The following EYA3 variants were observed in gnomAD, a reference collection of about 807,000 sequenced individuals.
The protein encoded by EYA3 is EYA transcriptional coactivator and phosphatase 3.
Under a neutral mutation model 80.0 loss-of-function variants are expected in EYA3, and 39 were observed. That is an observed-to-expected ratio of 0.49 (90% CI 0.38 to 0.64). EYA3 has a LOEUF of 0.64. EYA3 is among the 30% of genes least tolerant of loss of function. The pLI is 0.00. For synonymous variants in EYA3, 206 were observed against 232.8 expected (o/e 0.88, Z 1.05); for missense variants, 523 against 676.1 (o/e 0.77, Z 2.51).
intron 10 of EYA3, among the ~76,000 whole-genome samples, chr1:28,005,632 T>G (rs1397023196): frequency 1.3e-5 from 2 of 151,540 alleles, no homozygotes. Context: ...GGAGGATCAC[T>G]TGGGCGTGGG....
chr1:28,013,156 G>A lies in EYA3; in HGVS notation c.724C>T (p.Pro242Ser), dbSNP rs982464396. 6.2e-7 allele frequency: 1 copy of A among 1,613,890 alleles called. No individual in the cohort carries two copies. Among genetic ancestry groups the A allele is most frequent in the Non-Finnish European group, 8.5e-7 (1 of 1,179,994 alleles). Reference protein sequence around the residue: ...LAATTYQSEKPSVMAPAPAAQ... With the variant: ...LAATTYQSEKSSVMAPAPAAQ... Reference sequence around the variant, plus strand: ...GCAGGTGCAGGCGCCATGACACTAGGCTTCTCCGACTGGTATGTGGTTGCT... The same window carrying A: ...GCAGGTGCAGGCGCCATGACACTAGACTTCTCCGACTGGTATGTGGTTGCT... The change falls in exon 9 of 18, where the codon CCT (proline) becomes TCT (serine). Residue 242 changes from proline to serine, a missense_variant. Physicochemically the swap from Pro to Ser is moderately conservative, Grantham distance 74. Coordinates refer to ENST00000373871, the MANE Select transcript of EYA3 (RefSeq NM_001990.4). This position sits in a 1 kb window ranked among gnomAD's most constrained non-coding sequence, Gnocchi z 4.0.
At chr1:27,985,140 T>A (rs1051606403) in intron 16 of EYA3, among the ~76,000 whole-genome samples, 1 of 152,050 alleles carries the variant, frequency 6.6e-6, no homozygotes, top group Non-Finnish European at 1.5e-5. Context: ...TACAGTGGCA[T>A]AATCACGGCT....
intron 6 of EYA3, 81 bp downstream of exon 6, chr1:28,035,463 A>G: frequency 1.3e-6 from 2 of 1,487,164 alleles, no homozygotes; most frequent in East Asian, 2.3e-5. Flanking sequence ...AGTGCTTTGT[A>G]AAGAATGATG....
intron 2 of EYA3, among the ~76,000 whole-genome samples, chr1:28,052,489 G>C (rs763704598): frequency 6.6e-6 from 1 of 152,150 alleles, no homozygotes; most frequent in Non-Finnish European, 1.5e-5. Flanking sequence ...TTCAGCAAAA[G>C]TGCCACGATG....
Position 28,009,365 on chromosome 1 carries a change from T to C in EYA3, c.909+1582A>G, listed in dbSNP as rs1276063289. On this transcript the variant is annotated intron_variant, in intron 10 of 17. Transcript: ENST00000373871. This position sits in a 1 kb window ranked among gnomAD's most constrained non-coding sequence, Gnocchi z 4.8. ...ACATGGATGAACCTTAAAAACATTA[T>C]GGTAGGCAGGGCATGGTGGCTCACG... 6.6e-6 allele frequency among the ~76,000 whole-genome samples: 1 copy of C among 152,076 alleles called. No individual in the cohort carries two copies. The highest frequency in any genetic ancestry group is 2.4e-5 in the African/African-American group (1 of 41,432).
At chr1:28,017,263 GAT>G in intron 7 of EYA3, 24 bp from the exon 8 acceptor site, 2 of 1,505,884 alleles carry the variant, frequency 1.3e-6, no homozygotes, top group Non-Finnish European at 1.8e-6. Flanking sequence ...GGGGTTAAAA[GAT>G]ATTAAAGATA....
intron 1 of EYA3, among the ~76,000 whole-genome samples, chr1:28,085,472 C>CAAA (rs35468869): frequency 3.3e-5 from 5 of 151,868 alleles, no homozygotes; most frequent in Admixed American, 3.3e-4. Flanking sequence ...AAAAAACAAA[C>CAAA]AAACAAACAA....
intron 2 of EYA3, among the ~76,000 whole-genome samples, chr1:28,049,931 G>C (rs1414684780): frequency 6.6e-6 from 1 of 151,986 alleles, no homozygotes; most frequent in Non-Finnish European, 1.5e-5. Flanking sequence ...TTTATGCTTA[G>C]CTCATCCAAA....
At chr1:28,084,671 C>T (rs1257026370) in intron 1 of EYA3, among the ~76,000 whole-genome samples, 1 of 128,124 alleles carries the variant, frequency 7.8e-6, no homozygotes, top group Admixed American at 9.1e-5. Context: ...TGCAGTAGCA[C>T]GATCTCAGCT....
chr1:27,987,981 C>T (rs1265616481), intron 16 of EYA3, among the ~76,000 whole-genome samples: 2 of 152,174 alleles, frequency 1.3e-5, no homozygotes, highest in Non-Finnish European at 2.9e-5. Context: ...GACCCTCCCA[C>T]CTTAACCTTC....
intron 9 of EYA3, among the ~76,000 whole-genome samples, chr1:28,011,584 A>G (rs1286651068): frequency 6.6e-6 from 1 of 152,226 alleles, no homozygotes; most frequent in Non-Finnish European, 1.5e-5. Flanking sequence ...ACAACTGTTC[A>G]TTCACCAATT....
intron 11 of EYA3, among the ~76,000 whole-genome samples, chr1:28,002,795 G>A (rs1640965290): frequency 6.6e-6 from 1 of 151,544 alleles, no homozygotes; most frequent in Non-Finnish European, 1.5e-5. Flanking sequence ...CTGCATGACA[G>A]AGCGAGATAT....
At chr1:28,064,431 C>CAA (rs35425305) in intron 1 of EYA3, among the ~76,000 whole-genome samples, 25 of 127,604 alleles carry the variant, frequency 2.0e-4, no homozygotes, top group South Asian at 9.6e-4. Context: ...GACTCTGCCT[C>CAA]AAAAAAAAAA....
chr1:27,977,173 A>C (rs1039324614), intron 17 of EYA3: 19 of 1,447,408 alleles, frequency 1.3e-5, no homozygotes, highest in Non-Finnish European at 1.7e-5. Flanking sequence ...AACAAGAAGC[A>C]CTTTAGAATC....
intron 16 of EYA3, among the ~76,000 whole-genome samples, chr1:27,980,589 G>T (rs1418869099): frequency 6.6e-6 from 1 of 152,212 alleles, no homozygotes; most frequent in Non-Finnish European, 1.5e-5. Context: ...CTCCAATACA[G>T]TTGGTAAAAT....
At chr1:28,065,082 C>G (rs910893359) in intron 1 of EYA3, among the ~76,000 whole-genome samples, 22 of 152,226 alleles carry the variant, frequency 1.4e-4, no homozygotes, top group African/African-American at 5.1e-4. Flanking sequence ...CAGTTGACCC[C>G]TGAACCCACA....
chr1:28,079,342 C>G (rs1158715711), intron 1 of EYA3, among the ~76,000 whole-genome samples: 1 of 152,214 alleles, frequency 6.6e-6, no homozygotes, highest in African/African-American at 2.4e-5. Flanking sequence ...ACCCTAATTA[C>G]TCTTCAGTCA....
chr1:28,027,588 C>G (rs1479168212), intron 7 of EYA3, among the ~76,000 whole-genome samples: 1 of 152,126 alleles, frequency 6.6e-6, no homozygotes, highest in African/African-American at 2.4e-5. Flanking sequence ...CATTCAAAGG[C>G]TAAACTACTT....
intron 1 of EYA3, among the ~76,000 whole-genome samples, chr1:28,070,117 T>C (rs1315038516): frequency 6.6e-6 from 1 of 152,228 alleles, no homozygotes; most frequent in Non-Finnish European, 1.5e-5. Context: ...GGTAATTTGT[T>C]ATGGCAGCCA....
Sources: allele counts gnomAD v4.1 joint callset (sites outside exome capture counted in the v4.1 genomes callset), GRCh38; gene constraint gnomAD v4.1.1; non-coding constraint Gnocchi (gnomAD v3.1); transcripts MANE v1.5; gene names NCBI Gene and HGNC (gene_info 2026-07-23, HGNC 2026-07-21).